The following PYGO1 variants were observed in gnomAD, a reference collection of about 807,000 sequenced individuals.
PYGO1 encodes pygopus homolog 1.
PYGO1 carries 6 observed loss-of-function variants against 29.5 expected under a neutral mutation model. The observed-to-expected ratio is 0.20, with a 90% CI of 0.11 to 0.40. The LOEUF (loss-of-function observed/expected upper bound fraction) is 0.40. Among genes scored for constraint, PYGO1 ranks in the 10% least tolerant of loss-of-function variants. The pLI is 1.00. For synonymous variants in PYGO1, 186 were observed against 180.5 expected (o/e 1.03, Z -0.24); for missense variants, 515 against 514.9 (o/e 1.00, Z 0.00).
At chr15:55,570,725 T>C (rs2058976803) in intron 1 of PYGO1, among the ~76,000 whole-genome samples, 1 of 152,172 alleles carries the variant, frequency 6.6e-6, no homozygotes, top group Non-Finnish European at 1.5e-5. Flanking sequence ...AAAATAATTT[T>C]ATGTAATAAA....
chr15:55,587,388 A>G (rs1431233198), intron 1 of PYGO1, among the ~76,000 whole-genome samples: 5 of 145,716 alleles, frequency 3.4e-5, no homozygotes, highest in Non-Finnish European at 6.0e-5. Context: ...GGGGGCGAGA[A>G]GGGGGCCAGG....
rs187933093 is a variant in PYGO1, at chr15:55,541,643, C to G, written c.*4380G>C. The G allele has an allele frequency of 1.3e-5, 2 of 152,276 alleles. No homozygotes were observed. The highest frequency in any genetic ancestry group is 3.9e-4 in the East Asian group (2 of 5,192). The allele number at this position is 152,276 out of a possible 1,614,324, so 9.4% of individuals were successfully genotyped here. A position where few individuals can be genotyped will look rare whatever the true frequency, so the allele number is the denominator to read the frequency against. On this transcript the variant is annotated 3_prime_UTR_variant, in exon 3 of 3. Transcript: ENST00000563719. ...AAAGTCTAGCCAACTACTACTGCCA[C>G]ACAAAGACACAGGATTTCTGATGGG...
intron 1 of PYGO1, among the ~76,000 whole-genome samples, chr15:55,584,608 G>A (rs1269744613): frequency 4.6e-5 from 7 of 152,170 alleles, no homozygotes; most frequent in African/African-American, 7.2e-5. Context: ...AAAGTAGTAT[G>A]AGGGGAAATG....
chr15:55,546,949 G>A lies in PYGO1; in HGVS notation c.334C>T (p.Pro112Ser), dbSNP rs1224537062. Reference protein sequence around the residue: ...STFRMPPHVPPRMSSPYCGPY... With the variant: ...STFRMPPHVPSRMSSPYCGPY... Reference sequence around the variant, plus strand: ...CCACAGTATGGGGAAGACATTCTTGGGGGAACGTGAGGTGGCATTCTGAAT... The same window carrying A: ...CCACAGTATGGGGAAGACATTCTTGAGGGAACGTGAGGTGGCATTCTGAAT... The change falls in exon 3 of 3, where the codon CCA (proline) becomes TCA (serine). Residue 112 changes from proline to serine, a missense_variant. Physicochemically the swap from Pro to Ser is moderately conservative, Grantham distance 74. Transcript: ENST00000563719. 6.2e-7 allele frequency: 1 copy of A among 1,613,922 alleles called. No homozygotes were observed. The highest frequency in any genetic ancestry group is 8.5e-7 in the Non-Finnish European group (1 of 1,179,964).
intron 1 of PYGO1, among the ~76,000 whole-genome samples, chr15:55,565,277 A>G (rs756450999): frequency 6.6e-5 from 10 of 152,202 alleles, no homozygotes; most frequent in Non-Finnish European, 1.2e-4. Context: ...CTGCCCCTAC[A>G]TAAACCACCA....
At chr15:55,582,461 C>G (rs371949070) in intron 1 of PYGO1, among the ~76,000 whole-genome samples, 66 of 152,140 alleles carry the variant, frequency 4.3e-4, no homozygotes, top group African/African-American at 1.4e-3. Flanking sequence ...TCTCCTACCT[C>G]TCTGACTACT....
intron 1 of PYGO1, among the ~76,000 whole-genome samples, chr15:55,578,363 T>C (rs1041243520): frequency 1.3e-5 from 2 of 152,292 alleles, no homozygotes; most frequent in Non-Finnish European, 2.9e-5. Flanking sequence ...TTCAATCCTC[T>C]TGAGTATCTA....
At chr15:55,560,940 A>G (rs1235964208) in intron 1 of PYGO1, among the ~76,000 whole-genome samples, 1 of 152,084 alleles carries the variant, frequency 6.6e-6, no homozygotes, top group Non-Finnish European at 1.5e-5. Context: ...GCGACAGAGC[A>G]AGACTCTATC....
rs1019136646 is a variant in PYGO1, at chr15:55,543,645, A to G, written c.*2378T>C. On this transcript the variant is annotated 3_prime_UTR_variant, in exon 3 of 3. Transcript: ENST00000563719. ...CAAAAACAGCTAACTACTGAAACTT[A>G]AAGAGATAAAGGGTTTAAGAAACTG... The G allele has an allele frequency of 5.3e-5, 8 of 152,240 alleles. No individual in the cohort carries two copies. In the South Asian group the frequency reaches 1.7e-3, roughly 32 times the overall value. 9.4% of individuals were successfully genotyped at this position (152,240 alleles called of 1,614,324 possible).
chr15:55,548,547 A>G (rs2058862923), intron 2 of PYGO1, among the ~76,000 whole-genome samples: 1 of 151,546 alleles, frequency 6.6e-6, no homozygotes, highest in African/African-American at 2.4e-5. Flanking sequence ...CTCTACTAAA[A>G]ATACAAAAAT....
In PYGO1 at chr15:55,548,907, T is replaced by C; in HGVS notation, c.135+3A>G. On this transcript the variant is annotated splice_donor_region_variant and intron_variant, in intron 2 of 2. Transcript: ENST00000563719. ...ACTTTTATTAAAGAAAATGTCAGTT[T>C]ACCTGTGTATTTGCCTTGCGCTTTT... 1 of 1,610,410 alleles carries C rather than the reference T, an allele frequency of 6.2e-7. No homozygotes were observed. Among genetic ancestry groups the C allele is most frequent in the Non-Finnish European group, 8.5e-7 (1 of 1,178,444 alleles).
intron 1 of PYGO1, among the ~76,000 whole-genome samples, chr15:55,551,508 C>T (rs1191686278): frequency 4.6e-5 from 7 of 152,142 alleles, no homozygotes; most frequent in Non-Finnish European, 8.8e-5. Context: ...CCTAAGAATA[C>T]AGATGTGGCC....
chr15:55,569,531 C>CATTACCCAG (rs1205832364), intron 1 of PYGO1, among the ~76,000 whole-genome samples: 1 of 152,106 alleles, frequency 6.6e-6, no homozygotes, highest in East Asian at 1.9e-4. Flanking sequence ...GCCTTGATTT[C>CATTACCCAG]ATTACCCAGA....
chr15:55,579,197 T>C (rs185200803), intron 1 of PYGO1, among the ~76,000 whole-genome samples: 1 of 152,322 alleles, frequency 6.6e-6, no homozygotes, highest in East Asian at 1.9e-4. Flanking sequence ...ATTAATAATT[T>C]GCATGCAGTT....
At chr15:55,586,511 CTT>C (rs889800695) in intron 1 of PYGO1, among the ~76,000 whole-genome samples, 29 of 152,232 alleles carry the variant, frequency 1.9e-4, no homozygotes, top group African/African-American at 6.5e-4. Context: ...AAAATGTACT[CTT>C]AATGATATCT....
In PYGO1 at chr15:55,541,177, T is replaced by A. The variant is rs2058826784; in HGVS notation, c.*4846A>T. 1 of 152,184 alleles carries A rather than the reference T, an allele frequency of 6.6e-6. No homozygotes were observed. Among genetic ancestry groups the A allele is most frequent in the Non-Finnish European group, 1.5e-5 (1 of 68,018 alleles). The allele number at this position is 152,184 out of a possible 1,614,324, so 9.4% of individuals were successfully genotyped here. A position where few individuals can be genotyped will look rare whatever the true frequency, so the allele number is the denominator to read the frequency against. The stretch of plus-strand genomic sequence containing the variant: ...ACGCCTGGCATATACATGGCCACAG[T>A]CTTTCCTTCATTTCCCCTATACCAC... On this transcript the variant is annotated 3_prime_UTR_variant, in exon 3 of 3. Transcript: ENST00000563719.
At chr15:55,568,389 G>A (rs2058966456) in intron 1 of PYGO1, among the ~76,000 whole-genome samples, 1 of 146,382 alleles carries the variant, frequency 6.8e-6, no homozygotes, top group African/African-American at 2.6e-5. Context: ...CTTTCTTGAT[G>A]TGGCTCTCAG....
chr15:55,576,990 A>C (rs1160096807), intron 1 of PYGO1, among the ~76,000 whole-genome samples: 1 of 136,104 alleles, frequency 7.3e-6, no homozygotes, highest in Admixed American at 8.2e-5. Context: ...ATTCCTAAAT[A>C]AGATAGCAAC....
chr15:55,548,992 C>T lies in PYGO1; in HGVS notation c.53G>A (p.Gly18Asp). Residue 18 changes from glycine to aspartate, a missense_variant, in exon 2 of 3, where the codon GGT (glycine) becomes GAT (aspartate). Physicochemically the swap from Gly to Asp is moderately conservative, Grantham distance 94. Transcript: ENST00000563719. The part of the protein sequence containing the change: ...DPISLKRVRG[G>D]DSGLDGLGGP... ...TCCTAACCCATCCAGTCCACTATCA[C>T]CACCTAAAAAAAAAAAAATTCAGGT... The T allele has an allele frequency of 6.3e-7, 1 of 1,595,594 alleles. No individual in the cohort carries two copies. The highest frequency in any genetic ancestry group is 8.5e-7 in the Non-Finnish European group (1 of 1,174,026).
Sources: gnomAD v4.1 joint callset for allele counts (sites outside exome capture counted in the v4.1 genomes callset) on GRCh38, gnomAD v4.1.1 for gene constraint, MANE v1.5 for transcripts, NCBI Gene and HGNC (gene_info 2026-07-23, HGNC 2026-07-21) for gene names.